MLLT3: variants seen among roughly 807,000 people sequenced by gnomAD.
The protein encoded by MLLT3 is MLLT3 super elongation complex subunit.
Under a neutral mutation model 53.2 loss-of-function variants are expected in MLLT3, and 4 were observed. That is an observed-to-expected ratio of 0.08 (90% CI 0.04 to 0.17). The LOEUF (loss-of-function observed/expected upper bound fraction) is 0.17, where lower values mean the gene tolerates loss of function less well. Ranked by LOEUF, MLLT3 falls within the 10% of genes least tolerant of loss-of-function variation. The pLI is 1.00. For missense variants in MLLT3, 569 were observed against 684.0 expected (o/e 0.83, Z 1.87); for synonymous variants, 283 against 230.6 (o/e 1.23, Z -2.06).
rs1055394335 is a variant in MLLT3, at chr9:20,427,308, G to GA, written c.421-12884dup. On this transcript the variant is annotated intron_variant, in intron 4 of 10. Coordinates refer to ENST00000380338, the MANE Select transcript of MLLT3 (RefSeq NM_004529.4). ...AGAAACAAATACGACTTTAAGAAAT[G>GA]AAAAAAAAAAAACACTGTTGGAATC... 5.0e-3 allele frequency among the ~76,000 whole-genome samples: 652 copies of GA among 129,152 alleles called. 5 individuals are homozygous for GA. Among genetic ancestry groups the GA allele is most frequent in the African/African-American group, 0.015 (512 of 35,132 alleles). 84.7% of individuals were successfully genotyped at this position (129,152 alleles called of 152,430 possible). A position where few individuals can be genotyped will look rare whatever the true frequency, so the allele number is the denominator to read the frequency against.
intron 2 of MLLT3, among the ~76,000 whole-genome samples, chr9:20,493,074 T>C (rs1824992293): frequency 1.3e-5 from 2 of 151,938 alleles, no homozygotes; most frequent in South Asian, 4.1e-4. Flanking sequence ...TGTTTTTCTA[T>C]TTGCCTAATG....
chr9:20,554,033 G>C (rs1818994265), intron 2 of MLLT3, among the ~76,000 whole-genome samples: 1 of 152,076 alleles, frequency 6.6e-6, no homozygotes, highest in Non-Finnish European at 1.5e-5. Flanking sequence ...ATAATGACTA[G>C]TTTCTTCCAC....
intron 2 of MLLT3, among the ~76,000 whole-genome samples, chr9:20,508,683 T>G (rs1388498843): frequency 2.0e-5 from 3 of 152,022 alleles, no homozygotes; most frequent in Non-Finnish European, 4.4e-5. Flanking sequence ...GAACAAAAAG[T>G]AATAAATTCA....
chr9:20,511,039 A>G (rs1825522468), intron 2 of MLLT3, among the ~76,000 whole-genome samples: 1 of 152,234 alleles, frequency 6.6e-6, no homozygotes, highest in African/African-American at 2.4e-5. Flanking sequence ...AAATAAGTCC[A>G]AGATATGTTT....
chr9:20,406,976 A>G (rs1458595173), intron 5 of MLLT3, among the ~76,000 whole-genome samples: 12 of 152,208 alleles, frequency 7.9e-5, no homozygotes, highest in African/African-American at 2.9e-4. Context: ...TTACAGTCAT[A>G]AATTGTAACC....
chr9:20,351,132 C>T (rs538193179), intron 10 of MLLT3, among the ~76,000 whole-genome samples: 2 of 152,318 alleles, frequency 1.3e-5, no homozygotes, highest in Non-Finnish European at 2.9e-5. Flanking sequence ...AGTAATTTCC[C>T]AGGATGGAGA....
At chr9:20,423,161 A>G (rs1286323692) in intron 4 of MLLT3, among the ~76,000 whole-genome samples, 1 of 152,074 alleles carries the variant, frequency 6.6e-6, no homozygotes, top group Admixed American at 6.6e-5. Flanking sequence ...CCTTGCAAGT[A>G]GCTGTGGGAC....
At chr9:20,351,905 A>C (rs1373022176) in intron 10 of MLLT3, among the ~76,000 whole-genome samples, 1 of 152,246 alleles carries the variant, frequency 6.6e-6, no homozygotes, top group Non-Finnish European at 1.5e-5. Flanking sequence ...GCTGCATTAC[A>C]AGGCAAAAGG....
intron 2 of MLLT3, among the ~76,000 whole-genome samples, chr9:20,482,104 A>C (rs1586983196): frequency 6.6e-6 from 1 of 152,298 alleles, no homozygotes; most frequent in African/African-American, 2.4e-5. Context: ...CTCTTCATCC[A>C]CATATTGTAT....
At chr9:20,519,306 A>T (rs1203026273) in intron 2 of MLLT3, among the ~76,000 whole-genome samples, 1 of 152,218 alleles carries the variant, frequency 6.6e-6, no homozygotes, top group Non-Finnish European at 1.5e-5. Flanking sequence ...GACTTTTAAC[A>T]ATAGAGGAAA....
intron 4 of MLLT3, among the ~76,000 whole-genome samples, chr9:20,439,933 T>G (rs540941100): frequency 3.9e-5 from 6 of 152,300 alleles, no homozygotes; most frequent in African/African-American, 1.4e-4. Context: ...GATTCCTTCT[T>G]GAAACTAAAA....
chr9:20,463,280 G>C (rs573570850), intron 2 of MLLT3, among the ~76,000 whole-genome samples: 5 of 151,340 alleles, frequency 3.3e-5, no homozygotes, highest in Admixed American at 2.0e-4. Flanking sequence ...TTTCAAGGGG[G>C]TGGGGGGGAG....
intron 2 of MLLT3, among the ~76,000 whole-genome samples, chr9:20,514,419 A>G (rs1190955692): frequency 6.6e-6 from 1 of 152,146 alleles, no homozygotes; most frequent in Non-Finnish European, 1.5e-5. Context: ...AGGCCTCTGG[A>G]CTGTAAACCA....
chr9:20,504,340 C>T (rs1239277474), intron 2 of MLLT3, among the ~76,000 whole-genome samples: 2 of 144,228 alleles, frequency 1.4e-5, no homozygotes, highest in Non-Finnish European at 3.0e-5. Flanking sequence ...AATATATATC[C>T]CCAATGGAAT....
At chr9:20,427,909 AC>A (rs2118807760) in intron 4 of MLLT3, among the ~76,000 whole-genome samples, 1 of 152,150 alleles carries the variant, frequency 6.6e-6, no homozygotes, top group South Asian at 2.1e-4. Context: ...AATAATCAAA[AC>A]TCAGCACTTT....
chr9:20,354,798 A>G lies in MLLT3; in HGVS notation c.1503+10T>C, dbSNP rs2301550. ...GTTGGAGCCCTCCTAGTAACAGACT[A>G]GAAACCTACCTTGTCACATTCACCA... is the stretch of plus-strand genomic sequence containing the variant. On this transcript the variant is annotated intron_variant, in intron 9 of 10. Transcript: ENST00000380338. 139,137 of 1,594,056 alleles carry G rather than the reference A, an allele frequency of 0.087. 25,105 individuals are homozygous for G. The highest frequency in any genetic ancestry group is 0.73 in the African/African-American group (53,888 of 74,064).
chr9:20,481,655 G>C (rs1824665677), intron 2 of MLLT3, among the ~76,000 whole-genome samples: 1 of 152,030 alleles, frequency 6.6e-6, no homozygotes, highest in African/African-American at 2.4e-5. Context: ...ACATCCCCTT[G>C]CTCTGCTCCG....
chr9:20,528,589 G>A (rs930806171), intron 2 of MLLT3, among the ~76,000 whole-genome samples: 1 of 152,148 alleles, frequency 6.6e-6, no homozygotes, highest in Non-Finnish European at 1.5e-5. Flanking sequence ...CCTTTTCCTG[G>A]TGGCCACGGA....
chr9:20,530,201 T>A lies in MLLT3; in HGVS notation c.194-73415A>T, dbSNP rs572058909. Among the ~76,000 whole-genome samples the A allele has an allele frequency of 1.1e-3, 164 of 152,316 alleles. 1 individual carries two copies. Among genetic ancestry groups the A allele is most frequent in the Admixed American group, 1.8e-3 (27 of 15,298 alleles). On this transcript the variant is annotated intron_variant, in intron 2 of 10. Coordinates refer to ENST00000380338, the MANE Select transcript of MLLT3 (RefSeq NM_004529.4). Reference sequence around the variant, plus strand: ...AAAGGTGGCAAAAACAGTATCTCAATAAACTGATTTCACAAATGAAGGAAG... The same window carrying A: ...AAAGGTGGCAAAAACAGTATCTCAAAAAACTGATTTCACAAATGAAGGAAG...
Sources: gnomAD v4.1 joint callset for allele counts (sites outside exome capture counted in the v4.1 genomes callset) on GRCh38, gnomAD v4.1.1 for gene constraint, MANE v1.5 for transcripts, NCBI Gene and HGNC (gene_info 2026-07-23, HGNC 2026-07-21) for gene names.